Variants in GPC6 observed in about 807,000 individuals in gnomAD.
GPC6 encodes the protein glypican 6.
Under a neutral mutation model 55.2 loss-of-function variants are expected in GPC6, and 14 were observed. The observed-to-expected ratio is 0.25, with a 90% CI of 0.17 to 0.40. The LOEUF is 0.40. GPC6 is among the 10% of genes least tolerant of loss of function. The probability of loss-of-function intolerance (pLI) is 1.00; values close to 1 mark genes in which losing one functional copy is unlikely to be tolerated. For synonymous variants in GPC6, 278 were observed against 259.6 expected (o/e 1.07, Z -0.68); for missense variants, 641 against 708.5 (o/e 0.90, Z 1.08).
chr13:93,455,345 C>T (rs1878411344), intron 1 of GPC6, among the ~76,000 whole-genome samples: 1 of 152,158 alleles, frequency 6.6e-6, no homozygotes, highest in African/African-American at 2.4e-5. Flanking sequence ...ACGCTGTCAC[C>T]TCTCAGTATG....
chr13:94,131,780 A>G (rs545556040), intron 4 of GPC6, among the ~76,000 whole-genome samples: 35 of 152,192 alleles, frequency 2.3e-4, no homozygotes, highest in Non-Finnish European at 4.4e-4. Context: ...TCAAAGACGT[A>G]AAATAAGATA....
intron 4 of GPC6, among the ~76,000 whole-genome samples, chr13:94,149,420 T>C (rs1887663229): frequency 6.6e-6 from 1 of 152,162 alleles, no homozygotes; most frequent in African/African-American, 2.4e-5. Context: ...CAAAGCATTC[T>C]CTCAGTGTGA....
intron 1 of GPC6, among the ~76,000 whole-genome samples, chr13:93,354,354 T>TTTTTGTTTTG (rs770579503): frequency 1.4e-5 from 2 of 138,724 alleles, no homozygotes; most frequent in African/African-American, 5.5e-5. Context: ...GGTAGATTTT[T>TTTTTGTTTTG]TTTTTTTTTT....
At chr13:94,097,508 A>C (rs1033637795) in intron 4 of GPC6, among the ~76,000 whole-genome samples, 16 of 146,656 alleles carry the variant, frequency 1.1e-4, no homozygotes, top group Non-Finnish European at 2.0e-4. Context: ...CTCTGTCTCA[A>C]AAAAAAAAAA....
intron 2 of GPC6, among the ~76,000 whole-genome samples, chr13:93,692,189 A>G (rs1451443352): frequency 1.3e-5 from 2 of 152,086 alleles, no homozygotes; most frequent in African/African-American, 4.8e-5. Flanking sequence ...ATGGAATAAG[A>G]TGCGACCTGA....
At chr13:93,295,104 C>A in intron 1 of GPC6, among the ~76,000 whole-genome samples, 1 of 116,430 alleles carries the variant, frequency 8.6e-6, no homozygotes, top group Non-Finnish European at 1.7e-5. Flanking sequence ...GAAACTCTGT[C>A]TCTGCAAAAA....
intron 4 of GPC6, among the ~76,000 whole-genome samples, chr13:94,162,642 T>G (rs956630232): frequency 6.6e-6 from 1 of 152,200 alleles, no homozygotes; most frequent in African/African-American, 2.4e-5. Flanking sequence ...ACTGCCATTT[T>G]TAGTTTCTCT....
At chr13:94,274,180 A>G (rs1892130517) in intron 4 of GPC6, among the ~76,000 whole-genome samples, 1 of 152,198 alleles carries the variant, frequency 6.6e-6, no homozygotes, top group African/African-American at 2.4e-5. Context: ...GCACTGTGTG[A>G]GGACTACTGG....
intron 2 of GPC6, among the ~76,000 whole-genome samples, chr13:93,819,356 C>T (rs1886967778): frequency 6.6e-6 from 1 of 152,020 alleles, no homozygotes; most frequent in Admixed American, 6.5e-5. Flanking sequence ...GGGGAAAGAA[C>T]TGGGTTTGTG....
intron 2 of GPC6, among the ~76,000 whole-genome samples, chr13:93,711,601 T>C (rs1883069067): frequency 6.6e-6 from 1 of 151,536 alleles, no homozygotes; most frequent in Non-Finnish European, 1.5e-5. Flanking sequence ...TTTTTTGGTC[T>C]AAGAATCTCC....
intron 3 of GPC6, among the ~76,000 whole-genome samples, chr13:93,952,851 TAC>T (rs937874429): frequency 7.2e-6 from 1 of 138,708 alleles, no homozygotes; most frequent in Non-Finnish European, 1.6e-5. Context: ...CACATATATA[TAC>T]GTATATATAT....
intron 6 of GPC6, among the ~76,000 whole-genome samples, chr13:94,330,732 A>G (rs551889484): frequency 6.6e-6 from 1 of 152,286 alleles, no homozygotes; most frequent in South Asian, 2.1e-4. Context: ...TCAATATGCA[A>G]TGAGCTCTGT....
At chr13:93,604,368 G>A (rs577570400) in intron 2 of GPC6, among the ~76,000 whole-genome samples, 3 of 152,248 alleles carry the variant, frequency 2.0e-5, no homozygotes, top group Admixed American at 1.3e-4. Flanking sequence ...TGCTGGGATG[G>A]GAATTCGATG....
At chr13:93,342,121 G>A (rs538904320) in intron 1 of GPC6, among the ~76,000 whole-genome samples, 9 of 151,880 alleles carry the variant, frequency 5.9e-5, no homozygotes, top group South Asian at 2.1e-4. Flanking sequence ...CACCCACCTC[G>A]GCCTCCCAAA....
chr13:94,269,634 G>A (rs144484141), intron 4 of GPC6, among the ~76,000 whole-genome samples: 5 of 151,930 alleles, frequency 3.3e-5, no homozygotes, highest in Non-Finnish European at 5.9e-5. Context: ...CATTTGTCTC[G>A]ACCACCTGCG....
At chr13:93,910,672 C>T (rs1157754426) in intron 3 of GPC6, among the ~76,000 whole-genome samples, 1 of 152,082 alleles carries the variant, frequency 6.6e-6, no homozygotes, top group African/African-American at 2.4e-5. Context: ...ATATAAAATA[C>T]CTCAAAGTTC....
At position 94,172,746 on chromosome 13, in the gene GPC6, T is replaced by C. The variant is rs75831788; in HGVS notation, c.878-113603T>C. Reference sequence around the variant, plus strand: ...TGAACAAATGGACTTATGTACACTCTTACATAAATGACCAAGTTACGTGCA... The same window carrying C: ...TGAACAAATGGACTTATGTACACTCCTACATAAATGACCAAGTTACGTGCA... On this transcript the variant is annotated intron_variant, in intron 4 of 8. Transcript: ENST00000377047. 8.4e-3 allele frequency among the ~76,000 whole-genome samples: 1,275 copies of C among 152,312 alleles called. 12 individuals are homozygous for C. Among genetic ancestry groups the C allele is most frequent in the Non-Finnish European group, 0.014 (942 of 68,020 alleles).
At chr13:93,522,158 T>C (rs919513274) in intron 1 of GPC6, among the ~76,000 whole-genome samples, 2 of 151,974 alleles carry the variant, frequency 1.3e-5, no homozygotes, top group African/African-American at 4.8e-5. Context: ...GTTATCTGAT[T>C]ATATGGGGTC....
In GPC6 at chr13:93,333,793, C is replaced by T. The variant is rs557166421; in HGVS notation, c.160+106177C>T. Among the ~76,000 whole-genome samples, 9 of 152,232 alleles carry T rather than the reference C, an allele frequency of 5.9e-5. No individual in the cohort carries two copies. The South Asian group carries it at 8.3e-4, about 14-fold the overall frequency. ...GCTCAAATGATCTGCCCACCTCAGC[C>T]GCCCAAAGTGCTTAGATTACAGGCA... On this transcript the variant is annotated intron_variant, in intron 1 of 8. Transcript: ENST00000377047.
Sources: allele counts gnomAD v4.1 joint callset (sites outside exome capture counted in the v4.1 genomes callset), GRCh38; gene constraint gnomAD v4.1.1; transcripts MANE v1.5; gene names NCBI Gene and HGNC (gene_info 2026-07-23, HGNC 2026-07-21).